Variants in KLF12 observed in about 807,000 individuals in gnomAD.
The protein encoded by KLF12 is KLF transcription factor 12.
In KLF12, 9 loss-of-function variants were observed where a neutral mutation model predicts 37.8. The observed-to-expected ratio is 0.24, with a 90% CI of 0.14 to 0.42. The LOEUF is 0.42. Among genes scored for constraint, KLF12 ranks in the 10% least tolerant of loss-of-function variants. The pLI is 1.00. For synonymous variants in KLF12, 208 were observed against 202.1 expected (o/e 1.03, Z -0.25); for missense variants, 411 against 516.0 (o/e 0.80, Z 1.97).
At position 74,116,936 on chromosome 13, in the gene KLF12, T is replaced by C. The variant is rs2138957950; in HGVS notation, c.-32+16803A>G. 1.3e-5 allele frequency among the ~76,000 whole-genome samples: 2 copies of C among 152,124 alleles called. 1 individual carries two copies. The highest frequency in any genetic ancestry group is 4.1e-4 in the South Asian group (2 of 4,820). The stretch of plus-strand genomic sequence containing the variant: ...TAGCCAAGAGCAAACGTAAGAAAAA[T>C]GTCAATCAACTTGCTGCAAGATTTG... On this transcript the variant is annotated intron_variant, in intron 1 of 7. Transcript: ENST00000377669.
intron 1 of KLF12, among the ~76,000 whole-genome samples, chr13:74,094,581 C>G (rs1656189328): frequency 6.6e-6 from 1 of 151,274 alleles, no homozygotes; most frequent in Non-Finnish European, 1.5e-5. Context: ...ACCCCACAAC[C>G]AGAAAAGCTT....
chr13:74,248,157 T>G, the KLF12 span, among the ~76,000 whole-genome samples: 2 of 152,204 alleles, frequency 1.3e-5, no homozygotes, highest in Non-Finnish European at 2.9e-5. Context: ...TACATGTAGT[T>G]GTATTCTGGT....
intron 3 of KLF12, among the ~76,000 whole-genome samples, chr13:73,891,850 G>A (rs1419382438): frequency 2.0e-5 from 3 of 152,060 alleles, no homozygotes; most frequent in Non-Finnish European, 2.9e-5. Flanking sequence ...TTATCTTTAT[G>A]AGTAAAGCAG....
chr13:73,860,108 T>A (rs977310594), intron 3 of KLF12, among the ~76,000 whole-genome samples: 1 of 152,198 alleles, frequency 6.6e-6, no homozygotes, highest in Non-Finnish European at 1.5e-5. Context: ...TTGCGTTTTA[T>A]ATGATCAGTT....
At chr13:73,982,418 TA>T (rs1891710328) in intron 2 of KLF12, among the ~76,000 whole-genome samples, 3 of 152,142 alleles carry the variant, frequency 2.0e-5, no homozygotes, top group Admixed American at 2.0e-4. Flanking sequence ...TCAGAAAGGA[TA>T]TCTTCCATTA....
chr13:73,944,133 G>A, intron 2 of KLF12, 63 bp from the exon 3 acceptor site: 6 of 960,602 alleles, frequency 6.2e-6, no homozygotes, highest in Non-Finnish European at 1.0e-5. Context: ...ACCTCTGGGA[G>A]AGTCTTCCCT....
chr13:73,741,844 A>G (rs1338076631), intron 6 of KLF12, among the ~76,000 whole-genome samples: 1 of 152,238 alleles, frequency 6.6e-6, no homozygotes, highest in Non-Finnish European at 1.5e-5. Context: ...TTGCTCATTT[A>G]TCATTTCACA....
At chr13:73,897,244 C>T (rs772203684) in intron 3 of KLF12, among the ~76,000 whole-genome samples, 7 of 151,982 alleles carry the variant, frequency 4.6e-5, no homozygotes, top group Non-Finnish European at 1.0e-4. Context: ...CTTTGCTAAC[C>T]AAAACACACT....
the KLF12 span, among the ~76,000 whole-genome samples, chr13:74,162,690 C>G: frequency 4.4e-3 from 666 of 152,268 alleles, 5 homozygotes; most frequent in South Asian, 0.018. Context: ...TTTTTATTTT[C>G]CACCCCTGGC....
chr13:74,135,322 G>C (rs1194547285), upstream of KLF12, among the ~76,000 whole-genome samples: 1 of 151,980 alleles, frequency 6.6e-6, no homozygotes, highest in Non-Finnish European at 1.5e-5. Context: ...CGGGGCCCGG[G>C]GGCGGCGGGG....
chr13:74,018,226 C>T (rs968095011), intron 1 of KLF12, among the ~76,000 whole-genome samples: 3 of 152,064 alleles, frequency 2.0e-5, no homozygotes, highest in African/African-American at 7.2e-5. Flanking sequence ...GCAAATACTG[C>T]ATGATCTCAC....
chr13:73,727,133 C>T (rs56053314), intron 6 of KLF12, among the ~76,000 whole-genome samples: 23,365 of 151,748 alleles, frequency 0.15, 2,985 homozygotes, highest in African/African-American at 0.35. Context: ...TTTTTTATTG[C>T]TGAGTTGTAA....
chr13:74,173,584 A>G, the KLF12 span, among the ~76,000 whole-genome samples: 2 of 152,210 alleles, frequency 1.3e-5, no homozygotes, highest in Non-Finnish European at 2.9e-5. Context: ...TGTGTGTTGA[A>G]TGTAGTACAA....
At position 73,769,758 on chromosome 13, in the gene KLF12, A is replaced by G. The variant is rs563214658; in HGVS notation, c.807-4758T>C. Among the ~76,000 whole-genome samples, 53 of 152,330 alleles carry G rather than the reference A, an allele frequency of 3.5e-4. No homozygotes were observed. In the South Asian group the frequency reaches 0.011, roughly 31 times the overall value. ...TCTCAATTTCAAAAATGTTGGAATT[A>G]TTCACTCAGTTGCTCAGGCCAAAAA... On this transcript the variant is annotated intron_variant, in intron 5 of 7. Coordinates refer to ENST00000377669, the MANE Select transcript of KLF12 (RefSeq NM_007249.5).
intron 1 of KLF12, among the ~76,000 whole-genome samples, chr13:74,049,253 A>G (rs1893623929): frequency 6.6e-6 from 1 of 152,210 alleles, no homozygotes; most frequent in African/African-American, 2.4e-5. Flanking sequence ...GAGTGATAAG[A>G]TGTCCAGTTT....
rs534646802 is a variant in KLF12 at position 74,100,490 on chromosome 13, C to T, written c.-32+33249G>A. ...AAAATCAGCTAGGTGTGGTGGCAGGCGCCTGTAATCCCAGCTACTTGGGAG... is the reference window on the plus strand; with the variant it reads ...AAAATCAGCTAGGTGTGGTGGCAGGTGCCTGTAATCCCAGCTACTTGGGAG... On this transcript the variant is annotated intron_variant, in intron 1 of 7. Transcript: ENST00000377669. Among the ~76,000 whole-genome samples the T allele has an allele frequency of 9.9e-5, 15 of 152,054 alleles. No individual in the cohort carries two copies. In the South Asian group the frequency reaches 2.7e-3, roughly 27 times the overall value.
At chr13:73,715,329 C>A (rs780395954) in intron 7 of KLF12, 39 bp downstream of exon 7, 1 of 1,589,610 alleles carries the variant, frequency 6.3e-7, no homozygotes. Flanking sequence ...TTTATGGACT[C>A]TCACTGGCTC....
At chr13:74,200,272 G>C in the KLF12 span, among the ~76,000 whole-genome samples, 31 of 152,176 alleles carry the variant, frequency 2.0e-4, no homozygotes, top group African/African-American at 7.2e-4. Flanking sequence ...AGGGTGGATG[G>C]TAGATTCAGG....
In KLF12 at chr13:74,133,758, C is replaced by G. The variant is rs1878402478; in HGVS notation, c.-51G>C. ...ACAGACCTGAACAGAAGCTGCAGAG[C>G]AGGAGAAATTGTTTTCTTTCCCTCA... On this transcript the variant is annotated 5_prime_UTR_variant, in exon 1 of 8. Transcript: ENST00000377669. Among the ~76,000 whole-genome samples the G allele has an allele frequency of 6.6e-6, 1 of 151,654 alleles. No individual in the cohort carries two copies.
Sources: gnomAD v4.1 joint callset for allele counts (sites outside exome capture counted in the v4.1 genomes callset) on GRCh38, gnomAD v4.1.1 for gene constraint, MANE v1.5 for transcripts, NCBI Gene and HGNC (gene_info 2026-07-23, HGNC 2026-07-21) for gene names.